KHDRBS3: variants seen among roughly 807,000 people sequenced by gnomAD.
KHDRBS3 encodes the protein KH RNA binding domain containing, signal transduction associated 3.
KHDRBS3 carries 23 observed loss-of-function variants against 45.6 expected under a neutral mutation model. The observed-to-expected ratio is 0.50, with a 90% confidence interval of 0.36 to 0.72. KHDRBS3 has a LOEUF of 0.72. Ranked by LOEUF, KHDRBS3 falls within the 30% of genes least tolerant of loss-of-function variation. KHDRBS3 has a pLI of 0.00. For synonymous variants in KHDRBS3, 162 were observed against 156.5 expected, an observed-to-expected ratio of 1.04 and a Z score of -0.26; for missense variants, 352 against 424.8, an observed-to-expected ratio of 0.83 and a Z score of 1.51.
intron 1 of KHDRBS3, among the ~76,000 whole-genome samples, chr8:135,497,105 G>A (rs1823489771): frequency 6.6e-6 from 1 of 152,220 alleles, no homozygotes; most frequent in Non-Finnish European, 1.5e-5. Context: ...GAAGGAGTAA[G>A]AGAGGGAAGT....
At chr8:135,642,135 G>A (rs567983057) in intron 7 of KHDRBS3, among the ~76,000 whole-genome samples, 9 of 152,318 alleles carry the variant, frequency 5.9e-5, no homozygotes, top group African/African-American at 2.2e-4. Context: ...TAAAGCCCTA[G>A]GGAGAGCAAA....
rs189972396 is a variant in KHDRBS3, at chr8:135,608,404, G to T, written c.890+1367G>T. ...TTTGCTGAGTGCATACTATATTCCT[G>T]GCACTGTTTCCATAAGTTCTGTAAG... On this transcript the variant is annotated intron_variant, in intron 7 of 8. Coordinates refer to ENST00000355849, the MANE Select transcript of KHDRBS3 (RefSeq NM_006558.3). Among the ~76,000 whole-genome samples, 4 of 152,132 alleles carry T rather than the reference G, an allele frequency of 2.6e-5. No homozygotes were observed. In the East Asian group the frequency reaches 7.7e-4, roughly 29 times the overall value.
intron 5 of KHDRBS3, among the ~76,000 whole-genome samples, chr8:135,578,054 G>A (rs897038744): frequency 1.3e-5 from 2 of 152,122 alleles, no homozygotes; most frequent in African/African-American, 2.4e-5. Flanking sequence ...GTCTGTTCAA[G>A]TATTTTGCCT....
At chr8:135,470,477 T>G (rs1406611748) in intron 1 of KHDRBS3, among the ~76,000 whole-genome samples, 4 of 151,978 alleles carry the variant, frequency 2.6e-5, no homozygotes, top group Non-Finnish European at 4.4e-5. Flanking sequence ...CTTCAGAGAA[T>G]AAGGAGACAA....
At chr8:135,478,969 TAAGAG>T (rs1248166670) in intron 1 of KHDRBS3, among the ~76,000 whole-genome samples, 1 of 151,950 alleles carries the variant, frequency 6.6e-6, no homozygotes, top group Non-Finnish European at 1.5e-5. Context: ...ATTAATCAAA[TAAGAG>T]AATAGAAAAT....
chr8:135,570,390 A>G (rs1827645052), intron 5 of KHDRBS3, among the ~76,000 whole-genome samples: 1 of 152,188 alleles, frequency 6.6e-6, no homozygotes, highest in Non-Finnish European at 1.5e-5. Context: ...TCTATAGTGT[A>G]TGAAGTTATG....
At chr8:135,468,638 C>T (rs139941965) in intron 1 of KHDRBS3, among the ~76,000 whole-genome samples, 81 of 152,268 alleles carry the variant, frequency 5.3e-4, no homozygotes, top group African/African-American at 1.9e-3. Flanking sequence ...AGGCAGTGTG[C>T]CATGGGCTGT....
chr8:135,586,955 C>T (rs563521464), intron 6 of KHDRBS3, among the ~76,000 whole-genome samples: 16 of 152,276 alleles, frequency 1.1e-4, no homozygotes, highest in African/African-American at 3.8e-4. Flanking sequence ...TTTAAAGATA[C>T]TCAGTGATTT....
chr8:135,510,703 G>A (rs1824238826), intron 1 of KHDRBS3, among the ~76,000 whole-genome samples: 2 of 152,194 alleles, frequency 1.3e-5, no homozygotes, highest in Non-Finnish European at 2.9e-5. Context: ...AAAGTTCTGG[G>A]ATTACAGGCT....
At chr8:135,458,607 C>A in intron 1 of KHDRBS3, 1 of 330,894 alleles carries the variant, frequency 3.0e-6, no homozygotes, top group Non-Finnish European at 5.9e-6. Context: ...GATGGGCAGC[C>A]CATGCCAAGC....
At chr8:135,599,515 T>C (rs1829111286) in intron 6 of KHDRBS3, among the ~76,000 whole-genome samples, 1 of 152,220 alleles carries the variant, frequency 6.6e-6, no homozygotes, top group African/African-American at 2.4e-5. Context: ...CAGTATTTCC[T>C]CAAGTTGCAT....
intron 7 of KHDRBS3, among the ~76,000 whole-genome samples, chr8:135,622,537 G>A (rs1229503397): frequency 1.3e-5 from 2 of 152,216 alleles, no homozygotes; most frequent in Non-Finnish European, 2.9e-5. Context: ...TATTTCACAT[G>A]TGTAAATATT....
rs73712050 is a variant in KHDRBS3, at chr8:135,497,058, G to A, written c.89-24179G>A. ...TCAGTCAGTCAGTAAAGTGAGTCCA[G>A]ACTGAAGAGGAAGTGAATTAGACAC... On this transcript the variant is annotated intron_variant, in intron 1 of 8. Transcript: ENST00000355849. 2.7e-3 allele frequency among the ~76,000 whole-genome samples: 414 copies of A among 152,324 alleles called. 3 individuals carry two copies. Among genetic ancestry groups the A allele is most frequent in the Middle Eastern group, 0.017 (5 of 294 alleles).
At chr8:135,582,106 A>G in intron 6 of KHDRBS3, 33 bp downstream of exon 6, 2 of 1,489,522 alleles carry the variant, frequency 1.3e-6, no homozygotes, top group South Asian at 2.9e-5. Flanking sequence ...AGCCTTGTTC[A>G]TCAGATTGAC....
intron 6 of KHDRBS3, among the ~76,000 whole-genome samples, chr8:135,599,453 G>A (rs1829108187): frequency 6.6e-6 from 1 of 152,202 alleles, no homozygotes; most frequent in Non-Finnish European, 1.5e-5. Context: ...ATATAGGTGA[G>A]TTCTTGTCAT....
At chr8:135,506,368 A>G (rs191073622) in intron 1 of KHDRBS3, among the ~76,000 whole-genome samples, 114 of 151,698 alleles carry the variant, frequency 7.5e-4, no homozygotes, top group African/African-American at 2.4e-3. Flanking sequence ...CCAACCTTCC[A>G]TCAGATGATT....
At chr8:135,514,927 AATAATT>A (rs1824492367) in intron 1 of KHDRBS3, among the ~76,000 whole-genome samples, 1 of 152,210 alleles carries the variant, frequency 6.6e-6, no homozygotes, top group South Asian at 2.1e-4. Flanking sequence ...TCAACAAAGT[AATAATT>A]ATAATTTAAT....
At chr8:135,612,810 C>T (rs1309703248) in intron 7 of KHDRBS3, among the ~76,000 whole-genome samples, 2 of 151,746 alleles carry the variant, frequency 1.3e-5, no homozygotes, top group East Asian at 3.8e-4. Context: ...GCTGTGGACC[C>T]TTGACCCGTG....
At position 135,479,355 on chromosome 8, in the gene KHDRBS3, A is replaced by G. The variant is rs575949235; in HGVS notation, c.88+21401A>G. Among the ~76,000 whole-genome samples the G allele has an allele frequency of 1.6e-4, 25 of 152,346 alleles. No homozygotes were observed. In the East Asian group the frequency reaches 3.1e-3, roughly 19 times the overall value. ...TGAGATCCAGGTGGCGTCACTGGTG[A>G]ATCCTAGCAAACATGTAAGGCAAAA... On this transcript the variant is annotated intron_variant, in intron 1 of 8. Transcript: ENST00000355849.
Sources: allele counts gnomAD v4.1 joint callset (sites outside exome capture counted in the v4.1 genomes callset), GRCh38; gene constraint gnomAD v4.1.1; transcripts MANE v1.5; gene names NCBI Gene and HGNC (gene_info 2026-07-23, HGNC 2026-07-21).